MTDH: variants seen among roughly 807,000 people sequenced by gnomAD.
MTDH encodes protein LYRIC.
MTDH carries 34 observed loss-of-function variants against 72.7 expected under a neutral mutation model. The observed-to-expected ratio is 0.47, with a 90% CI of 0.36 to 0.62. The LOEUF is 0.62. MTDH is among the 20% of genes least tolerant of loss of function. MTDH has a pLI of 0.00. For missense variants in MTDH, 677 were observed against 699.4 expected (o/e 0.97, Z 0.36); for synonymous variants, 266 against 268.9 (o/e 0.99, Z 0.10).
intron 2 of MTDH, among the ~76,000 whole-genome samples, chr8:97,682,624 A>G (rs574280343): frequency 1.3e-5 from 2 of 152,088 alleles, no homozygotes; most frequent in South Asian, 4.1e-4. Flanking sequence ...TTTTAAAGGC[A>G]GTAGTAATAT....
At chr8:97,714,991 A>G (rs1279763629) in intron 9 of MTDH, among the ~76,000 whole-genome samples, 1 of 151,950 alleles carries the variant, frequency 6.6e-6, no homozygotes, top group African/African-American at 2.4e-5. Flanking sequence ...ACGCCTGGCT[A>G]ATTTTTGTAT....
At chr8:97,663,206 A>G (rs1812242967) in intron 2 of MTDH, among the ~76,000 whole-genome samples, 1 of 152,162 alleles carries the variant, frequency 6.6e-6, no homozygotes, top group African/African-American at 2.4e-5. Context: ...TAATTGAGGA[A>G]CTACCATTAA....
At chr8:97,644,951 G>A in intron 1 of MTDH, 64 bp downstream of exon 1, 1 of 1,460,420 alleles carries the variant, frequency 6.8e-7, no homozygotes, top group East Asian at 2.7e-5. Flanking sequence ...CCTCGAGCTT[G>A]GGGGAGGCCG....
chr8:97,688,288 C>T (rs755074987), intron 4 of MTDH, among the ~76,000 whole-genome samples: 21 of 152,096 alleles, frequency 1.4e-4, no homozygotes, highest in South Asian at 4.1e-4. Flanking sequence ...TGTTAATGAC[C>T]TTCCCACCTC....
intron 1 of MTDH, among the ~76,000 whole-genome samples, chr8:97,648,717 A>G (rs1811656458): frequency 6.6e-6 from 1 of 152,184 alleles, no homozygotes; most frequent in East Asian, 1.9e-4. Flanking sequence ...GTTTATAAAG[A>G]TTTGCTATAG....
chr8:97,710,683 C>CAAAAAAAAA (rs376391821), intron 8 of MTDH, among the ~76,000 whole-genome samples: 1 of 53,110 alleles, frequency 1.9e-5, no homozygotes, highest in Non-Finnish European at 3.4e-5. Context: ...GAGACTATCT[C>CAAAAAAAAA]AAAAAAAAAA....
chr8:97,690,855 TAATA>T (rs1813577016), intron 5 of MTDH, 93 bp from the exon 6 acceptor site: 2 of 842,602 alleles, frequency 2.4e-6, no homozygotes, highest in Non-Finnish European at 3.6e-6. Flanking sequence ...GGGAAGTGAG[TAATA>T]AATATAAGTC....
At chr8:97,712,926 G>A (rs1364774110) in intron 8 of MTDH, among the ~76,000 whole-genome samples, 1 of 151,970 alleles carries the variant, frequency 6.6e-6, no homozygotes, top group African/African-American at 2.4e-5. Flanking sequence ...CTAGTTCCAT[G>A]GATGGAACCA....
intron 1 of MTDH, among the ~76,000 whole-genome samples, chr8:97,659,038 G>A (rs1265303680): frequency 4.6e-5 from 7 of 152,014 alleles, no homozygotes. Flanking sequence ...AGCTACTTGG[G>A]AAGCTGAGGC....
intron 10 of MTDH, among the ~76,000 whole-genome samples, chr8:97,720,435 G>A (rs944055372): frequency 6.6e-6 from 1 of 151,842 alleles, no homozygotes; most frequent in South Asian, 2.1e-4. Context: ...AAATTAGCTG[G>A]GTGTAGTGGT....
chr8:97,717,112 A>G (rs1343420126), intron 9 of MTDH, among the ~76,000 whole-genome samples: 1 of 152,204 alleles, frequency 6.6e-6, no homozygotes. Flanking sequence ...AAGATTACAG[A>G]CTTCACCCAC....
chr8:97,673,453 G>C (rs1812713427), intron 2 of MTDH, among the ~76,000 whole-genome samples: 1 of 152,176 alleles, frequency 6.6e-6, no homozygotes, highest in Non-Finnish European at 1.5e-5. Flanking sequence ...GAGGTCAGGA[G>C]TTCAAGACCA....
Position 97,730,013 on chromosome 8 carries a change from C to G in MTDH, c.*5343C>G, listed in dbSNP as rs184703022. 3.9e-5 allele frequency among the ~76,000 whole-genome samples: 6 copies of G among 152,124 alleles called. No individual in the cohort carries two copies. Among genetic ancestry groups the G allele is most frequent in the Non-Finnish European group, 7.4e-5 (5 of 68,022 alleles). ...CTCTAACAGGACGATGATTTCTAAC[C>G]CTAGCATCATGACATGTATATAGTG... On this transcript the variant is annotated 3_prime_UTR_variant, in exon 12 of 12. Coordinates refer to ENST00000336273, the MANE Select transcript of MTDH (RefSeq NM_178812.4).
At chr8:97,656,301 C>CTTT (rs34020581) in intron 1 of MTDH, among the ~76,000 whole-genome samples, 28 of 117,926 alleles carry the variant, frequency 2.4e-4, no homozygotes, top group Non-Finnish European at 3.4e-4. Flanking sequence ...ATTAAGCATA[C>CTTT]TTTTTTTTTT....
In MTDH at chr8:97,697,610, C is replaced by T. The variant is rs117943916; in HGVS notation, c.1049-2144C>T. ...CCGTGTTAGCCAGGATGGTCTGCAT[C>T]TCTTTACCTCGTGATCCACCTGCCT... On this transcript the variant is annotated intron_variant, in intron 6 of 11. Coordinates refer to ENST00000336273, the MANE Select transcript of MTDH (RefSeq NM_178812.4). 3.0e-3 allele frequency among the ~76,000 whole-genome samples: 451 copies of T among 152,168 alleles called. 18 individuals are homozygous for T. In the East Asian group the frequency reaches 0.052, roughly 17 times the overall value.
At position 97,727,143 on chromosome 8, in the gene MTDH, G is replaced by A. The variant is rs1815387063; in HGVS notation, c.*2473G>A. ...ATTACATTCTCTTTCACATGCATGA[G>A]GTGCAAACTCTGTCACAAAGTATTT... is the stretch of plus-strand genomic sequence containing the variant. On this transcript the variant is annotated 3_prime_UTR_variant, in exon 12 of 12. Transcript: ENST00000336273. The A allele has an allele frequency of 1.3e-5, 2 of 151,770 alleles. No homozygotes were observed. The highest frequency in any genetic ancestry group is 1.3e-4 in the Admixed American group (2 of 15,216). The allele number at this position is 151,770 out of a possible 1,614,324, so 9.4% of individuals were successfully genotyped here. A position where few individuals can be genotyped will look rare whatever the true frequency, so the allele number is the denominator to read the frequency against.
chr8:97,694,916 C>G (rs1353716529), intron 6 of MTDH, among the ~76,000 whole-genome samples: 1 of 151,714 alleles, frequency 6.6e-6, no homozygotes, highest in Non-Finnish European at 1.5e-5. Context: ...GAGCGAGACT[C>G]CCTCTCAAAA....
chr8:97,683,547 C>T (rs889598466), intron 2 of MTDH, among the ~76,000 whole-genome samples: 6 of 151,842 alleles, frequency 4.0e-5, no homozygotes, highest in Admixed American at 2.0e-4. Context: ...AGTTGCATGC[C>T]GCCACCCCCA....
chr8:97,713,085 A>T (rs1460305953), intron 8 of MTDH, among the ~76,000 whole-genome samples: 1 of 151,882 alleles, frequency 6.6e-6, no homozygotes, highest in East Asian at 1.9e-4. Context: ...TTTTATTTTT[A>T]TTTATTTATT....
Sources: allele counts gnomAD v4.1 joint callset (sites outside exome capture counted in the v4.1 genomes callset), GRCh38; gene constraint gnomAD v4.1.1; transcripts MANE v1.5; gene names NCBI Gene and HGNC (gene_info 2026-07-23, HGNC 2026-07-21).